Variants in NCAM2 observed in about 807,000 individuals in gnomAD.
NCAM2 encodes N-CAM-2.
A neutral mutation model predicts 98.1 loss-of-function variants in NCAM2; 30 were observed. That is an observed-to-expected ratio of 0.31 (90% CI 0.23 to 0.41). The LOEUF is 0.41. Ranked by LOEUF, NCAM2 falls within the 10% of genes least tolerant of loss-of-function variation. The probability of loss-of-function intolerance (pLI) is 1.00; values close to 1 mark genes in which losing one functional copy is unlikely to be tolerated. For synonymous variants in NCAM2, 368 were observed against 342.4 expected, an observed-to-expected ratio of 1.07 and a Z score of -0.83; for missense variants, 867 against 1,005.8, an observed-to-expected ratio of 0.86 and a Z score of 1.87.
chr21:21,001,345 C>T (rs1046709078), intron 1 of NCAM2, among the ~76,000 whole-genome samples: 3 of 152,142 alleles, frequency 2.0e-5, no homozygotes, highest in African/African-American at 7.2e-5. Flanking sequence ...CTAATTTCCA[C>T]TGCAAGATTA....
chr21:21,180,387 TTTGTC>T (rs140717424), intron 1 of NCAM2, among the ~76,000 whole-genome samples: 4 of 152,268 alleles, frequency 2.6e-5, no homozygotes, highest in African/African-American at 9.6e-5. Context: ...TTATGAATCT[TTTGTC>T]AGGTGAAGAG....
intron 1 of NCAM2, among the ~76,000 whole-genome samples, chr21:21,169,696 C>G (rs2068059624): frequency 6.6e-6 from 1 of 152,154 alleles, no homozygotes; most frequent in Non-Finnish European, 1.5e-5. Flanking sequence ...TGCCGGTAAT[C>G]CCAGCACTTT....
chr21:21,253,636 TC>T (rs2071554183), intron 1 of NCAM2, among the ~76,000 whole-genome samples: 1 of 152,168 alleles, frequency 6.6e-6, no homozygotes, highest in African/African-American at 2.4e-5. Flanking sequence ...AAATGTTTGT[TC>T]TTTATAAGCA....
intron 7 of NCAM2, among the ~76,000 whole-genome samples, chr21:21,336,430 G>A (rs1356708695): frequency 6.6e-6 from 1 of 151,570 alleles, no homozygotes; most frequent in African/African-American, 2.4e-5. Context: ...TGGGGGGAGT[G>A]GGGAGGGATA....
intron 1 of NCAM2, among the ~76,000 whole-genome samples, chr21:21,055,001 T>A (rs961657969): frequency 6.6e-6 from 1 of 152,016 alleles, no homozygotes; most frequent in African/African-American, 2.4e-5. Flanking sequence ...AAAGAATGTA[T>A]CTCACAAACA....
intron 1 of NCAM2, among the ~76,000 whole-genome samples, chr21:21,005,199 G>A (rs1365163605): frequency 5.3e-5 from 8 of 152,256 alleles, no homozygotes; most frequent in Admixed American, 5.2e-4. Flanking sequence ...GAGTAACATG[G>A]TTAAATTTTG....
At chr21:21,480,184 G>A (rs1353539475) in intron 15 of NCAM2, among the ~76,000 whole-genome samples, 1 of 151,838 alleles carries the variant, frequency 6.6e-6, no homozygotes, top group Non-Finnish European at 1.5e-5. Context: ...GACTAACACA[G>A]TGAAACCCCA....
intron 1 of NCAM2, among the ~76,000 whole-genome samples, chr21:21,242,368 C>T (rs761354420): frequency 6.6e-6 from 1 of 152,116 alleles, no homozygotes. Context: ...CTTTTTAAAA[C>T]AATTTTGAAA....
At chr21:21,384,318 G>A (rs9976203) in intron 9 of NCAM2, among the ~76,000 whole-genome samples, 13,614 of 151,028 alleles carry the variant, frequency 0.09, 787 homozygotes, top group East Asian at 0.3. Flanking sequence ...TTTTCTTATG[G>A]ATCTAACCTA....
chr21:21,539,835 T>G lies in NCAM2; in HGVS notation c.*1878T>G, dbSNP rs1990158816. On this transcript the variant is annotated 3_prime_UTR_variant, in exon 18 of 18. Transcript: ENST00000400546. ...AACTGACTTGATTATCCAACTGGTC[T>G]TTGACAGATTTGACTGTTCATATTT... The G allele has an allele frequency of 6.6e-6, 1 of 152,210 alleles. No homozygotes were observed. The highest frequency in any genetic ancestry group is 1.5e-5 in the Non-Finnish European group (1 of 68,040). The allele number at this position is 152,210 out of a possible 1,614,324, so 9.4% of individuals were successfully genotyped here. A position where few individuals can be genotyped will look rare whatever the true frequency, so the allele number is the denominator to read the frequency against.
At chr21:21,010,022 C>T (rs1041064238) in intron 1 of NCAM2, among the ~76,000 whole-genome samples, 3 of 151,642 alleles carry the variant, frequency 2.0e-5, no homozygotes, top group Non-Finnish European at 4.4e-5. Context: ...ATCTTTATCA[C>T]CTATTTATCT....
Position 21,264,928 on chromosome 21 carries a change from C to T in NCAM2, c.56-15650C>T, listed in dbSNP as rs572037620. 3.2e-5 allele frequency among the ~76,000 whole-genome samples: 3 copies of T among 94,316 alleles called. No homozygotes were observed. The East Asian group carries it at 8.2e-4, about 26-fold the overall frequency. The allele number at this position is 94,316 out of a possible 152,430, so 61.9% of individuals were successfully genotyped here. A position where few individuals can be genotyped will look rare whatever the true frequency, so the allele number is the denominator to read the frequency against. The stretch of plus-strand genomic sequence containing the variant: ...TATATACACATATATTAGATATACA[C>T]ATATATATGTGTGTGTATATATATG... On this transcript the variant is annotated intron_variant, in intron 1 of 17. Transcript: ENST00000400546.
chr21:21,419,823 G>A (rs142067979), intron 11 of NCAM2, among the ~76,000 whole-genome samples: 10 of 152,094 alleles, frequency 6.6e-5, no homozygotes, highest in East Asian at 1.9e-4. Context: ...ATAAACATAC[G>A]CGTGCATGTG....
At chr21:21,508,760 A>T (rs1196768212) in intron 15 of NCAM2, 91 bp from the exon 16 acceptor site, 2 of 922,904 alleles carry the variant, frequency 2.2e-6, no homozygotes, top group African/African-American at 3.4e-5. Context: ...TTTATTTTTA[A>T]AATAATCATC....
At chr21:21,441,294 A>G (rs377110999) in intron 12 of NCAM2, among the ~76,000 whole-genome samples, 17 of 152,252 alleles carry the variant, frequency 1.1e-4, no homozygotes, top group African/African-American at 4.1e-4. Flanking sequence ...GTGAATCTCC[A>G]TTTGTCACGA....
intron 8 of NCAM2, among the ~76,000 whole-genome samples, chr21:21,362,775 T>C (rs2075681547): frequency 6.6e-6 from 1 of 152,202 alleles, no homozygotes; most frequent in Non-Finnish European, 1.5e-5. Context: ...ACTGTCAAAC[T>C]GAAATCTATA....
intron 1 of NCAM2, among the ~76,000 whole-genome samples, chr21:21,187,986 G>C (rs748480103): frequency 6.6e-6 from 1 of 152,106 alleles, no homozygotes; most frequent in African/African-American, 2.4e-5. Context: ...ACACAAATAA[G>C]TACTTGTGCA....
intron 1 of NCAM2, among the ~76,000 whole-genome samples, chr21:21,070,612 TG>T (rs1447407125): frequency 2.1e-5 from 3 of 143,732 alleles, no homozygotes; most frequent in Non-Finnish European, 3.1e-5. Flanking sequence ...TCTAACATGT[TG>T]TGGTAGTAAC....
chr21:21,255,993 A>G (rs1378374316), intron 1 of NCAM2, among the ~76,000 whole-genome samples: 2 of 152,222 alleles, frequency 1.3e-5, no homozygotes, highest in African/African-American at 4.8e-5. Context: ...GCCTAGGCCC[A>G]TGTTAAAAGC....
Sources: allele counts gnomAD v4.1 joint callset (sites outside exome capture counted in the v4.1 genomes callset), GRCh38; gene constraint gnomAD v4.1.1; transcripts MANE v1.5; gene names NCBI Gene and HGNC (gene_info 2026-07-23, HGNC 2026-07-21).